PI4KA: variants seen among roughly 807,000 people sequenced by gnomAD.
PI4KA encodes the protein phosphatidylinositol 4-kinase alpha, also known as PI4-kinase alpha.
In PI4KA, 122 loss-of-function variants were observed where a neutral mutation model predicts 271.4. The observed-to-expected ratio is 0.45, with a 90% CI of 0.39 to 0.52. The LOEUF (loss-of-function observed/expected upper bound fraction) is 0.52, where lower values mean the gene tolerates loss of function less well. Ranked by LOEUF, PI4KA falls within the 20% of genes least tolerant of loss-of-function variation. PI4KA has a pLI of 0.00. For missense variants in PI4KA, 1,969 were observed against 2,769.1 expected (o/e 0.71, Z 6.48); for synonymous variants, 1,041 against 1,078.8 (o/e 0.96, Z 0.69).
chr22:20,820,726 T>A, intron 4 of PI4KA, 115 bp from the exon 5 acceptor site: 1 of 710,880 alleles, frequency 1.4e-6, no homozygotes, highest in Admixed American at 2.5e-5. Context: ...ACCCCATATA[T>A]GATACATCCC....
intron 1 of PI4KA, among the ~76,000 whole-genome samples, chr22:20,846,857 AG>A: frequency 7.6e-6 from 1 of 132,026 alleles, no homozygotes; most frequent in Admixed American, 7.8e-5. Context: ...AAAAAAAAAA[AG>A]GGTGGGGGGC....
chr22:20,722,540 C>A (rs1431322458), intron 42 of PI4KA, among the ~76,000 whole-genome samples: 2 of 152,176 alleles, frequency 1.3e-5, no homozygotes, highest in Non-Finnish European at 2.9e-5. Context: ...ACTGTGGTCA[C>A]CATCCTAAGG....
chr22:20,742,538 G>C (rs1439785052), intron 31 of PI4KA, 70 bp downstream of exon 31: 2 of 1,584,354 alleles, frequency 1.3e-6, no homozygotes, highest in Non-Finnish European at 1.7e-6. Flanking sequence ...ACTCCAGCTG[G>C]CTATGGGTCA....
intron 29 of PI4KA, among the ~76,000 whole-genome samples, chr22:20,746,341 C>T (rs761092263): frequency 8.5e-4 from 130 of 152,100 alleles, no homozygotes; most frequent in Non-Finnish European, 1.6e-3. Flanking sequence ...GGATTACAGG[C>T]ATGAGCCACC....
chr22:20,761,463 T>A, intron 22 of PI4KA, 77 bp from the exon 23 acceptor site: 3 of 846,858 alleles, frequency 3.5e-6, no homozygotes, highest in Non-Finnish European at 6.1e-6. Flanking sequence ...TGCCCATAAG[T>A]GGTAAGGATG....
chr22:20,804,463 A>G, intron 11 of PI4KA, 63 bp from the exon 12 acceptor site: 1 of 1,100,764 alleles, frequency 9.1e-7, no homozygotes, highest in Non-Finnish European at 1.4e-6. Flanking sequence ...TAACACACTT[A>G]TCCACCAAGT....
At position 20,711,206 on chromosome 22, in the gene PI4KA, C is replaced by T. The variant is rs1418944629; in HGVS notation, c.5923+135G>A. Reference sequence around the variant, plus strand: ...CAGAACAGCTTGGTGGCCGACAGTTCGGACCTCAGAGCTGGACCCTGACAC... The same window carrying T: ...CAGAACAGCTTGGTGGCCGACAGTTTGGACCTCAGAGCTGGACCCTGACAC... On this transcript the variant is annotated intron_variant, in intron 51 of 54. Transcript: ENST00000255882. The T allele has an allele frequency of 6.2e-5, 36 of 580,820 alleles. 1 individual carries two copies. Among genetic ancestry groups the T allele is most frequent in the Non-Finnish European group, 8.7e-5 (29 of 331,430 alleles). 36.0% of individuals were successfully genotyped at this position (580,820 alleles called of 1,614,324 possible).
At chr22:20,740,061 CAAAAAAAAAAAAAAAAAA>C (rs59323542) in intron 32 of PI4KA, among the ~76,000 whole-genome samples, 1 of 73,372 alleles carries the variant, frequency 1.4e-5, no homozygotes, top group East Asian at 4.3e-4. Flanking sequence ...GACCCCATCT[CAAAAAAAAAAAAAAAAAA>C]AAAAAAAGAA....
chr22:20,819,910 C>A lies in PI4KA; in HGVS notation c.530-10G>T. The A allele has an allele frequency of 6.2e-7, 1 of 1,609,696 alleles. No homozygotes were observed. ...TACTTGCAAAGGTATTCTAGAAGAT[C>A]AAGTGAAAACGTTACAATATAAGAA... On this transcript the variant is annotated splice_polypyrimidine_tract_variant and intron_variant, in intron 5 of 54. Transcript: ENST00000255882.
At chr22:20,807,180 C>G (rs1307816561) in intron 10 of PI4KA, among the ~76,000 whole-genome samples, 182 bp downstream of exon 10, 1 of 152,204 alleles carries the variant, frequency 6.6e-6, no homozygotes, top group Non-Finnish European at 1.5e-5. Context: ...GTTGCAGGAT[C>G]ATGGACAGAT....
chr22:20,832,458 G>A (rs1347008312), intron 3 of PI4KA, among the ~76,000 whole-genome samples: 1 of 147,168 alleles, frequency 6.8e-6, no homozygotes, highest in Non-Finnish European at 1.5e-5. Flanking sequence ...GCTCAGTTTG[G>A]TTGTTTTCTT....
intron 1 of PI4KA, among the ~76,000 whole-genome samples, chr22:20,848,981 A>T (rs1031927795): frequency 6.6e-6 from 1 of 152,228 alleles, no homozygotes; most frequent in Non-Finnish European, 1.5e-5. Flanking sequence ...ATTACAACTT[A>T]ATTAAAAAAA....
At chr22:20,755,066 G>A (rs1214912000) in intron 23 of PI4KA, among the ~76,000 whole-genome samples, 1 of 152,206 alleles carries the variant, frequency 6.6e-6, no homozygotes, top group African/African-American at 2.4e-5. Flanking sequence ...TAGGATTACA[G>A]GCATGAGCCA....
chr22:20,730,030 T>A lies in PI4KA; in HGVS notation c.4289-19A>T, dbSNP rs1265786020. On this transcript the variant is annotated intron_variant, in intron 36 of 54. Coordinates refer to ENST00000255882, the MANE Select transcript of PI4KA (RefSeq NM_058004.4). ...TGATTATCTGAGGGCAAACACATTG[T>A]TGATTCTAGAGTGAGGTGGCTCAAG... 2.5e-6 allele frequency: 4 copies of A among 1,613,626 alleles called. No individual in the cohort carries two copies. Among genetic ancestry groups the A allele is most frequent in the Non-Finnish European group, 3.4e-6 (4 of 1,179,792 alleles).
intron 2 of PI4KA, among the ~76,000 whole-genome samples, chr22:20,836,106 G>A (rs951854832): frequency 6.5e-5 from 9 of 139,332 alleles, no homozygotes; most frequent in African/African-American, 2.5e-4. Context: ...AAAAAACATG[G>A]CAGAAGGCAT....
chr22:20,830,037 G>A (rs1215307569), intron 3 of PI4KA, among the ~76,000 whole-genome samples: 1 of 152,090 alleles, frequency 6.6e-6, no homozygotes, highest in African/African-American at 2.4e-5. Flanking sequence ...AATTTGCTGA[G>A]GCTTGTTTTA....
intron 19 of PI4KA, among the ~76,000 whole-genome samples, chr22:20,769,060 T>C (rs2147417535): frequency 6.6e-6 from 1 of 152,322 alleles, no homozygotes; most frequent in East Asian, 1.9e-4. Context: ...TGGTACCTTC[T>C]AAAGAGAACT....
chr22:20,760,226 T>G (rs1257748760), intron 23 of PI4KA, among the ~76,000 whole-genome samples: 1 of 152,212 alleles, frequency 6.6e-6, no homozygotes, highest in African/African-American at 2.4e-5. Flanking sequence ...TTGTGGATTC[T>G]CCCCAATTCC....
intron 1 of PI4KA, among the ~76,000 whole-genome samples, chr22:20,841,913 T>C (rs1925598019): frequency 6.6e-6 from 1 of 152,124 alleles, no homozygotes; most frequent in African/African-American, 2.4e-5. Flanking sequence ...CTCTAGGAGC[T>C]GTAAAAGGCT....
Sources: gnomAD v4.1 joint callset for allele counts (sites outside exome capture counted in the v4.1 genomes callset) on GRCh38, gnomAD v4.1.1 for gene constraint, MANE v1.5 for transcripts, NCBI Gene and HGNC (gene_info 2026-07-23, HGNC 2026-07-21) for gene names.